Variants in FREM2 observed in about 807,000 individuals in gnomAD.
FREM2 encodes the protein FRAS1 related extracellular matrix 2.
FREM2 carries 119 observed loss-of-function variants against 219.9 expected under a neutral mutation model. The observed-to-expected ratio is 0.54, with a 90% confidence interval of 0.47 to 0.63. The LOEUF (loss-of-function observed/expected upper bound fraction) is 0.63, where lower values mean the gene tolerates loss of function less well. Among genes scored for constraint, FREM2 ranks in the 30% least tolerant of loss-of-function variants. FREM2 has a pLI of 0.00. For missense variants in FREM2, 4,030 were observed against 3,993.6 expected (o/e 1.01, Z -0.25); for synonymous variants, 1,562 against 1,522.8 (o/e 1.03, Z -0.60).
intron 2 of FREM2, among the ~76,000 whole-genome samples, chr13:38,760,254 A>G (rs918628789): frequency 6.9e-4 from 105 of 152,190 alleles, no homozygotes; most frequent in African/African-American, 2.5e-3. Context: ...GCTTCTTTAT[A>G]TTTTTTCTGA....
intron 4 of FREM2, among the ~76,000 whole-genome samples, chr13:38,776,640 A>G (rs909222384): frequency 3.3e-5 from 5 of 152,176 alleles, no homozygotes; most frequent in Admixed American, 6.5e-5. Flanking sequence ...AATTAAATCA[A>G]TCTGGAAGTA....
At position 38,877,183 on chromosome 13, in the gene FREM2, C is replaced by A. The variant is rs1459726077; in HGVS notation, c.8611C>A (p.Leu2871Ile). ...TQMYLLSKKS[L>I]WLSDGSMGFG... ...AATGTACCTGCTCTCTAAGAAGAGT[C>A]TCTGGTTGTCTGATGGATCCATGGG... The change falls in exon 21 of 24, where the codon CTC becomes ATC. Residue 2871 changes from leucine to isoleucine, a missense_variant. This residue lies in a region of FREM2 where 928 missense variants were observed against 1,042.9 expected (regional missense o/e 0.89). Coordinates refer to ENST00000280481, the MANE Select transcript of FREM2 (RefSeq NM_207361.6). The A allele has an allele frequency of 3.1e-6, 5 of 1,614,030 alleles. No homozygotes were observed. Among genetic ancestry groups the A allele is most frequent in the Non-Finnish European group, 4.2e-6 (5 of 1,179,918 alleles).
intron 6 of FREM2, among the ~76,000 whole-genome samples, chr13:38,799,278 T>C (rs576956137): frequency 1.2e-3 from 190 of 152,086 alleles, no homozygotes; most frequent in African/African-American, 4.4e-3. Flanking sequence ...GGTTCCAAAG[T>C]CCCTTTTTTG....
chr13:38,721,554 C>G (rs940404102), intron 2 of FREM2, among the ~76,000 whole-genome samples: 4 of 152,068 alleles, frequency 2.6e-5, no homozygotes, highest in African/African-American at 9.7e-5. Context: ...CTGTATAGAC[C>G]AGAGCTGGGT....
chr13:38,773,313 C>A lies in FREM2; in HGVS notation c.5641+3505C>A, dbSNP rs138842128. ...GTGGCTCTCTGGTTGGGAACCATGGCTCTGCGATCAATAGAGCTGACCCTC... is the reference window on the plus strand; with the variant it reads ...GTGGCTCTCTGGTTGGGAACCATGGATCTGCGATCAATAGAGCTGACCCTC... On this transcript the variant is annotated intron_variant, in intron 4 of 23. Transcript: ENST00000280481. Among the ~76,000 whole-genome samples the A allele has an allele frequency of 1.8e-3, 281 of 152,226 alleles. 2 individuals are homozygous for A. The highest frequency in any genetic ancestry group is 6.4e-3 in the African/African-American group (267 of 41,546).
chr13:38,866,303 T>A (rs1877961185), intron 16 of FREM2, among the ~76,000 whole-genome samples: 1 of 151,962 alleles, frequency 6.6e-6, no homozygotes, highest in Non-Finnish European at 1.5e-5. Context: ...AAGAGCAGCC[T>A]GACCAACATG....
At chr13:38,701,305 G>A (rs1458573629) in intron 2 of FREM2, among the ~76,000 whole-genome samples, 3 of 152,080 alleles carry the variant, frequency 2.0e-5, no homozygotes, top group African/African-American at 4.8e-5. Flanking sequence ...ATATATTCCC[G>A]CTGTCTGCGG....
At chr13:38,857,799 G>A in intron 12 of FREM2, 76 bp from the exon 13 acceptor site, 1 of 1,283,482 alleles carries the variant, frequency 7.8e-7, no homozygotes. Context: ...CAGGGATCGT[G>A]AGTATTGTTC....
At chr13:38,823,917 C>T (rs1185096366) in intron 6 of FREM2, among the ~76,000 whole-genome samples, 1 of 151,978 alleles carries the variant, frequency 6.6e-6, no homozygotes, top group Non-Finnish European at 1.5e-5. Context: ...TTGCAATATG[C>T]AATTGGGTTT....
At position 38,877,383 on chromosome 13, in the gene FREM2, G is replaced by T. The variant is rs1878378995; in HGVS notation, c.8671+140G>T. 21 of 941,404 alleles carry T rather than the reference G, an allele frequency of 2.2e-5. No individual in the cohort carries two copies. The South Asian group carries it at 2.7e-4, about 12-fold the overall frequency. The allele number at this position is 941,404 out of a possible 1,614,324, so 58.3% of individuals were successfully genotyped here. On this transcript the variant is annotated intron_variant, in intron 21 of 23. Coordinates refer to ENST00000280481, the MANE Select transcript of FREM2 (RefSeq NM_207361.6). ...ATGTAACTGGGTCTTTACCCACTCT[G>T]GCTGGTGTGGGAAGTCGTTGCGATT...
chr13:38,768,188 C>T (rs559553153), intron 3 of FREM2, among the ~76,000 whole-genome samples: 17 of 152,170 alleles, frequency 1.1e-4, no homozygotes, highest in Non-Finnish European at 2.1e-4. Flanking sequence ...TAATTTTTAA[C>T]TAAATGCAAA....
At chr13:38,696,337 A>G (rs1266050362) in intron 1 of FREM2, among the ~76,000 whole-genome samples, 1 of 152,222 alleles carries the variant, frequency 6.6e-6, no homozygotes, top group Non-Finnish European at 1.5e-5. Flanking sequence ...AAGTGGAGCT[A>G]TAGAAATTTG....
chr13:38,688,830 G>T lies in FREM2; in HGVS notation c.1486G>T (p.Gly496Cys), dbSNP rs1456530993. ...CCGGCATGGTCACCTTGTCATTCTG[G>T]GTGCTTCCAGTGGCAGCTCTGCTCC... ...GLRHGHLVILGASSGSSAPKS... is the reference protein window; with the variant it reads ...GLRHGHLVILCASSGSSAPKS... The change falls in exon 1 of 24, where the codon GGT (glycine) becomes TGT (cysteine). Residue 496 changes from glycine to cysteine, a missense_variant. Gly to Cys is a radical substitution (Grantham distance 159). This residue lies in a region of FREM2 where 3,102 missense variants were observed against 2,950.7 expected (regional missense o/e 1.05). Transcript: ENST00000280481. 1.2e-6 allele frequency: 2 copies of T among 1,613,986 alleles called. No individual in the cohort carries two copies. Among genetic ancestry groups the T allele is most frequent in the Admixed American group, 1.7e-5 (1 of 60,030 alleles).
intron 1 of FREM2, among the ~76,000 whole-genome samples, chr13:38,697,276 C>T (rs936858341): frequency 2.2e-4 from 34 of 152,178 alleles, no homozygotes; most frequent in African/African-American, 8.2e-4. Context: ...GGGAGCAAAG[C>T]TCTGTCCTCT....
chr13:38,781,046 A>G (rs1593403742), intron 4 of FREM2, among the ~76,000 whole-genome samples: 2 of 152,108 alleles, frequency 1.3e-5, no homozygotes, highest in South Asian at 4.2e-4. Context: ...TCTATATCTT[A>G]CTCTGAGTAA....
At chr13:38,710,314 G>C (rs1234223382) in intron 2 of FREM2, among the ~76,000 whole-genome samples, 1 of 152,010 alleles carries the variant, frequency 6.6e-6, no homozygotes, top group Non-Finnish European at 1.5e-5. Context: ...AAATATATGA[G>C]ACTCATATAT....
rs1425651343 is a variant in FREM2 at position 38,883,926 on chromosome 13, A to G, written c.*3139A>G. On this transcript the variant is annotated 3_prime_UTR_variant, in exon 24 of 24. Transcript: ENST00000280481. ...TAACTTAGTAAAATTGACCTTCGCA[A>G]AACCTCACTGGGGGAGTGCCTTGTA... The G allele has an allele frequency of 2.6e-5, 4 of 152,230 alleles. No individual in the cohort carries two copies. The highest frequency in any genetic ancestry group is 5.9e-5 in the Non-Finnish European group (4 of 68,040). The allele number at this position is 152,230 out of a possible 1,614,324, so 9.4% of individuals were successfully genotyped here.
At chr13:38,709,140 T>C (rs1870658831) in intron 2 of FREM2, among the ~76,000 whole-genome samples, 1 of 152,222 alleles carries the variant, frequency 6.6e-6, no homozygotes, top group East Asian at 1.9e-4. Context: ...GCAACCATGC[T>C]GCCTACTCAG....
Position 38,690,980 on chromosome 13 carries a change from T to G in FREM2, c.3636T>G (p.Ile1212Met), listed in dbSNP as rs199809171. The change falls in exon 1 of 24, where the codon ATT becomes ATG. Residue 1212 changes from isoleucine (I) to methionine (M), a missense_variant. Around this residue, in one of 2 missense-constraint regions of FREM2, gnomAD observed 3,102 missense variants for 2,950.7 expected, o/e 1.05. Coordinates refer to ENST00000280481, the MANE Select transcript of FREM2 (RefSeq NM_207361.6). The stretch of plus-strand genomic sequence containing the variant: ...TGAGTCTGGTAATTGATACACCCAT[T>G]CTCAATGCTGCTGATGCTGATGTTC... ...EGMSLVIDTP[I>M]LNAADADVPL... 6.2e-7 allele frequency: 1 copy of G among 1,614,098 alleles called. No individual in the cohort carries two copies. The highest frequency in any genetic ancestry group is 8.5e-7 in the Non-Finnish European group (1 of 1,179,948).
Sources: gnomAD v4.1 joint callset for allele counts (sites outside exome capture counted in the v4.1 genomes callset) on GRCh38, gnomAD v4.1.1 for gene constraint, gnomAD v4.1.1 regional missense constraint, MANE v1.5 for transcripts, NCBI Gene and HGNC (gene_info 2026-07-23, HGNC 2026-07-21) for gene names.